RNF182: variants seen among roughly 807,000 people sequenced by gnomAD.
RNF182 encodes E3 ubiquitin-protein ligase RNF182.
Under a neutral mutation model 14.4 loss-of-function variants are expected in RNF182, and 15 were observed. That is an observed-to-expected ratio of 1.04 (90% CI 0.70 to 1.60). The LOEUF is 1.60. Among genes scored for constraint, RNF182 ranks in the 40% most tolerant of loss-of-function variants. RNF182 has a pLI of 0.00. For missense variants in RNF182, 268 were observed against 294.8 expected (o/e 0.91, Z 0.67); for synonymous variants, 128 against 122.9 (o/e 1.04, Z -0.27).
rs1760395673 is a variant in RNF182 at position 13,978,269 on chromosome 6, A to C, written c.*406A>C. ...AGTTGCTCTGAGACACAAAGTGTGTACTCCTTTCCCACCCCATACCCCTGG... is the reference window on the plus strand; with the variant it reads ...AGTTGCTCTGAGACACAAAGTGTGTCCTCCTTTCCCACCCCATACCCCTGG... On this transcript the variant is annotated 3_prime_UTR_variant, in exon 3 of 3. Transcript: ENST00000488300. 1 of 179,076 alleles carries C rather than the reference A, an allele frequency of 5.6e-6. No individual in the cohort carries two copies. The highest frequency in any genetic ancestry group is 2.4e-5 in the African/African-American group (1 of 41,410). 11.1% of individuals were successfully genotyped at this position (179,076 alleles called of 1,614,324 possible).
At chr6:13,947,024 A>G (rs1019348876) in intron 1 of RNF182, among the ~76,000 whole-genome samples, 3 of 149,676 alleles carry the variant, frequency 2.0e-5, no homozygotes, top group African/African-American at 4.9e-5. Flanking sequence ...AATATATTCT[A>G]CAACTGTAAA....
intron 1 of RNF182, among the ~76,000 whole-genome samples, chr6:13,948,802 A>G (rs1466325819): frequency 6.6e-6 from 1 of 152,198 alleles, no homozygotes; most frequent in South Asian, 2.1e-4. Context: ...ACCTTTACCC[A>G]TTGATAGAGG....
At chr6:13,946,745 G>A (rs1759450104) in intron 1 of RNF182, among the ~76,000 whole-genome samples, 1 of 152,092 alleles carries the variant, frequency 6.6e-6, no homozygotes, top group Non-Finnish European at 1.5e-5. Context: ...CCATTTATAA[G>A]GGGACCCTTA....
chr6:13,947,820 A>G (rs768148417), intron 1 of RNF182, among the ~76,000 whole-genome samples: 2 of 152,240 alleles, frequency 1.3e-5, no homozygotes, highest in African/African-American at 2.4e-5. Context: ...CAGTCATTCC[A>G]GTCAAAGCCT....
At chr6:13,936,404 A>G (rs527687554) in intron 1 of RNF182, among the ~76,000 whole-genome samples, 1 of 152,394 alleles carries the variant, frequency 6.6e-6, no homozygotes, top group East Asian at 1.9e-4. Flanking sequence ...ACTCAGGATA[A>G]TATCTCTACT....
intron 1 of RNF182, among the ~76,000 whole-genome samples, chr6:13,935,763 A>G (rs1467064392): frequency 1.3e-5 from 2 of 152,256 alleles, no homozygotes; most frequent in African/African-American, 2.4e-5. Context: ...ATGTTTAAAA[A>G]TAAGACATCT....
At chr6:13,965,074 A>G (rs1039907624) in intron 1 of RNF182, among the ~76,000 whole-genome samples, 29 of 152,250 alleles carry the variant, frequency 1.9e-4, no homozygotes, top group Admixed American at 4.6e-4. Context: ...CTCACGCTGA[A>G]TGTGATGGAG....
chr6:13,973,370 A>C (rs1290921361), intron 1 of RNF182, among the ~76,000 whole-genome samples: 1 of 152,214 alleles, frequency 6.6e-6, no homozygotes, highest in East Asian at 1.9e-4. Flanking sequence ...GACTGTTGGG[A>C]GGGCACGATT....
chr6:13,944,713 A>G (rs1247281320), intron 1 of RNF182, among the ~76,000 whole-genome samples: 4 of 152,232 alleles, frequency 2.6e-5, no homozygotes, highest in South Asian at 2.1e-4. Context: ...AATCCTTTCA[A>G]TACACCTGTG....
chr6:13,946,708 G>T (rs1256993103), intron 1 of RNF182, among the ~76,000 whole-genome samples: 2 of 152,174 alleles, frequency 1.3e-5, no homozygotes, highest in Admixed American at 6.5e-5. Context: ...ACTCTGGTTT[G>T]AATGCCTCTG....
chr6:13,924,464 G>C (rs1384059106), upstream of RNF182: 2 of 152,274 alleles, frequency 1.3e-5, no homozygotes, highest in African/African-American at 4.8e-5. Flanking sequence ...TGCGGCAGTT[G>C]CAACAGGAGA....
At chr6:13,942,830 C>T (rs1312424282) in intron 1 of RNF182, among the ~76,000 whole-genome samples, 2 of 152,076 alleles carry the variant, frequency 1.3e-5, no homozygotes, top group Non-Finnish European at 2.9e-5. Flanking sequence ...TTTCTAATGA[C>T]CTATGTTTCA....
intron 1 of RNF182, among the ~76,000 whole-genome samples, chr6:13,973,622 TC>T (rs1760250151): frequency 6.6e-6 from 1 of 152,164 alleles, no homozygotes; most frequent in African/African-American, 2.4e-5. Flanking sequence ...GCATTCATTG[TC>T]TCTTGCCTGC....
chr6:13,938,004 GTTTTTTTTT>G, intron 1 of RNF182, among the ~76,000 whole-genome samples: 1 of 79,600 alleles, frequency 1.3e-5, no homozygotes, highest in South Asian at 5.4e-4. Flanking sequence ...TTTTCTTACT[GTTTTTTTTT>G]TTTTTTTTTT....
At chr6:13,951,064 T>G (rs1737427015) in intron 1 of RNF182, among the ~76,000 whole-genome samples, 1 of 152,198 alleles carries the variant, frequency 6.6e-6, no homozygotes, top group Non-Finnish European at 1.5e-5. Context: ...TCCAAAGTGC[T>G]GAGATTACAG....
chr6:13,971,976 T>C (rs969719280), intron 1 of RNF182, among the ~76,000 whole-genome samples: 2 of 152,036 alleles, frequency 1.3e-5, no homozygotes, highest in African/African-American at 2.4e-5. Flanking sequence ...TTCACAAAGA[T>C]ATGGTTTGGA....
chr6:13,934,929 CAGG>C lies in RNF182; in HGVS notation c.-367+9909_-367+9911del, dbSNP rs1759069693. 4.6e-5 allele frequency among the ~76,000 whole-genome samples: 7 copies of C among 152,260 alleles called. No individual in the cohort carries two copies. The South Asian group carries it at 1.5e-3, about 32-fold the overall frequency. ...AAGGCCCTGAGGCAGAGAGAGAAGA[CAGG>C]AGAGTCAGATGAAATGCGGTTAGAA... On this transcript the variant is annotated intron_variant, in intron 1 of 2. Coordinates refer to ENST00000488300, the MANE Select transcript of RNF182 (RefSeq NM_152737.4).
chr6:13,948,914 A>C (rs576939646), intron 1 of RNF182, among the ~76,000 whole-genome samples: 1 of 152,056 alleles, frequency 6.6e-6, no homozygotes, highest in Admixed American at 6.6e-5. Flanking sequence ...TTAATATTAC[A>C]TGAAAATCTT....
In RNF182 at chr6:13,977,940, T is replaced by C. The variant is rs2113655770; in HGVS notation, c.*77T>C. The C allele has an allele frequency of 1.4e-6, 2 of 1,405,560 alleles. No individual in the cohort carries two copies. Among genetic ancestry groups the C allele is most frequent in the South Asian group, 3.0e-5 (2 of 67,034 alleles). 87.1% of individuals were successfully genotyped at this position (1,405,560 alleles called of 1,614,324 possible). On this transcript the variant is annotated 3_prime_UTR_variant, in exon 3 of 3. Transcript: ENST00000488300. ...GTTAGATAATTTATAATTTATTTTC[T>C]TTTATGTTCTTTATGATTAGTATCC...
Sources: gnomAD v4.1 joint callset for allele counts (sites outside exome capture counted in the v4.1 genomes callset) on GRCh38, gnomAD v4.1.1 for gene constraint, MANE v1.5 for transcripts, NCBI Gene and HGNC (gene_info 2026-07-23, HGNC 2026-07-21) for gene names.